The following CCDC73 variants were observed in gnomAD, a reference collection of about 807,000 sequenced individuals.
The protein encoded by CCDC73 is coiled-coil domain-containing protein 73.
CCDC73 carries 95 observed loss-of-function variants against 116.5 expected under a neutral mutation model. The observed-to-expected ratio is 0.82, with a 90% confidence interval of 0.69 to 0.97. CCDC73 has a LOEUF of 0.97. CCDC73 is among the 50% of genes least tolerant of loss of function. The pLI is 0.00. For missense variants in CCDC73, 1,066 were observed against 1,206.8 expected, an observed-to-expected ratio of 0.88 and a Z score of 1.73; for synonymous variants, 398 against 401.3, an observed-to-expected ratio of 0.99 and a Z score of 0.10.
At chr11:32,691,596 G>A (rs1856259136) in intron 6 of CCDC73, among the ~76,000 whole-genome samples, 1 of 151,966 alleles carries the variant, frequency 6.6e-6, no homozygotes, top group African/African-American at 2.4e-5. Context: ...TTGTTATTTT[G>A]GATAGCCGTC....
the CCDC73 span, among the ~76,000 whole-genome samples, chr11:32,810,990 G>T: frequency 8.6e-5 from 13 of 151,732 alleles, no homozygotes; most frequent in African/African-American, 3.1e-4. Context: ...AATTAGCCGG[G>T]CATGGTGGCA....
chr11:32,652,624 A>T (rs1855836425), intron 12 of CCDC73, among the ~76,000 whole-genome samples: 1 of 152,196 alleles, frequency 6.6e-6, no homozygotes, highest in Non-Finnish European at 1.5e-5. Context: ...ATCAATGGCC[A>T]ACAATGTCTT....
chr11:32,613,563 GACTTTCAATGT>G lies in CCDC73; in HGVS notation c.2744_2754del (p.His915ProfsTer34). 1.2e-6 allele frequency: 2 copies of G among 1,614,066 alleles called. No homozygotes were observed. Among genetic ancestry groups the G allele is most frequent in the Middle Eastern group, 3.3e-4 (2 of 6,062 alleles). ...CAAGGGGTCGAACTGCTCGCTGTTT[GACTTTCAATGT>G]GATTTACTTTTGACCAAGGACCGGG... On this transcript the variant is annotated frameshift_variant, in exon 16 of 18. Transcript: ENST00000335185. LOFTEE classifies it high-confidence loss of function.
Position 32,614,500 on chromosome 11 carries a change from C to A in CCDC73, c.1818G>T (p.Leu606Phe), listed in dbSNP as rs754903250. The A allele has an allele frequency of 5.0e-6, 8 of 1,613,220 alleles. No individual in the cohort carries two copies. Among genetic ancestry groups the A allele is most frequent in the African/African-American group, 1.3e-5 (1 of 74,868 alleles). ...SENEPFKQFRLLPGTREHALE... is the reference protein window; with the variant it reads ...SENEPFKQFRFLPGTREHALE... The stretch of plus-strand genomic sequence containing the variant: ...GAGCATGTTCTCGAGTCCCTGGAAG[C>A]AATCTGAATTGTTTGAATGGCTCAT... The change falls in exon 16 of 18, where the codon TTG (leucine) becomes TTT (phenylalanine). Residue 606 changes from leucine to phenylalanine, a missense_variant. By Grantham distance (22) the Leu-to-Phe change is conservative. Transcript: ENST00000335185.
chr11:32,703,237 G>C, intron 3 of CCDC73, among the ~76,000 whole-genome samples: 1 of 151,936 alleles, frequency 6.6e-6, no homozygotes, highest in East Asian at 1.9e-4. Context: ...ACAGATGTCT[G>C]CCACCATGCC....
the CCDC73 span, among the ~76,000 whole-genome samples, chr11:32,801,458 T>C: frequency 5.9e-5 from 9 of 151,972 alleles, no homozygotes; most frequent in East Asian, 7.7e-4. Context: ...CTGGCCAACA[T>C]AGTGAAACCC....
chr11:32,698,492 A>T (rs1269889352), intron 6 of CCDC73, among the ~76,000 whole-genome samples: 1 of 152,228 alleles, frequency 6.6e-6, no homozygotes, highest in Non-Finnish European at 1.5e-5. Flanking sequence ...GATCCATGGA[A>T]AAGCTGTTTC....
At chr11:32,628,995 A>T (rs114847284) in intron 14 of CCDC73, among the ~76,000 whole-genome samples, 2,272 of 152,338 alleles carry the variant, frequency 0.015, 60 homozygotes, top group African/African-American at 0.051. Flanking sequence ...TGGAAATTTT[A>T]GAGATGAAAT....
intron 2 of CCDC73, among the ~76,000 whole-genome samples, chr11:32,731,405 C>T (rs781680673): frequency 3.3e-5 from 5 of 152,176 alleles, no homozygotes; most frequent in Non-Finnish European, 7.3e-5. Flanking sequence ...TGTCCCTGTC[C>T]GACAGCTTTG....
At chr11:32,677,602 A>T (rs1054602666) in intron 7 of CCDC73, among the ~76,000 whole-genome samples, 2 of 152,062 alleles carry the variant, frequency 1.3e-5, no homozygotes, top group African/African-American at 2.4e-5. Flanking sequence ...TTGATTGTGA[A>T]TGCCTCCCCT....
chr11:32,654,774 A>G (rs2133262971), intron 10 of CCDC73, 70 bp downstream of exon 10: 2 of 1,127,974 alleles, frequency 1.8e-6, no homozygotes, highest in African/African-American at 1.6e-5. Flanking sequence ...TTTTTGTGTT[A>G]CAATTCTGAA....
intron 9 of CCDC73, among the ~76,000 whole-genome samples, chr11:32,666,587 C>T (rs1413724321): frequency 2.0e-5 from 3 of 152,296 alleles, no homozygotes; most frequent in South Asian, 2.1e-4. Context: ...TTTTTAGCTT[C>T]TTTGCGATGG....
At chr11:32,735,255 G>A (rs1213034811) in intron 2 of CCDC73, among the ~76,000 whole-genome samples, 1 of 152,112 alleles carries the variant, frequency 6.6e-6, no homozygotes, top group Non-Finnish European at 1.5e-5. Flanking sequence ...TGACATGATT[G>A]TATATTTAGA....
intron 2 of CCDC73, among the ~76,000 whole-genome samples, chr11:32,739,946 T>C (rs1054514442): frequency 6.6e-6 from 1 of 151,974 alleles, no homozygotes; most frequent in African/African-American, 2.4e-5. Flanking sequence ...AATAGTTATA[T>C]GTTTGTCCTT....
intron 13 of CCDC73, among the ~76,000 whole-genome samples, chr11:32,639,038 C>T (rs1453487847): frequency 6.6e-6 from 1 of 151,422 alleles, no homozygotes; most frequent in Non-Finnish European, 1.5e-5. Context: ...GTCCCAGCTA[C>T]TCGGGAGGCT....
At chr11:32,645,118 G>T (rs548130236) in intron 12 of CCDC73, among the ~76,000 whole-genome samples, 1 of 152,116 alleles carries the variant, frequency 6.6e-6, no homozygotes, top group African/African-American at 2.4e-5. Context: ...ACAGAGTCAG[G>T]ATTATCCATA....
chr11:32,673,613 T>G (rs1856058567), intron 9 of CCDC73, among the ~76,000 whole-genome samples: 1 of 152,182 alleles, frequency 6.6e-6, no homozygotes, highest in Non-Finnish European at 1.5e-5. Context: ...GTGCAATCTT[T>G]GACTGTGAAA....
Position 32,654,959 on chromosome 11 carries a change from G to A in CCDC73, c.659C>T (p.Ala220Val), listed in dbSNP as rs1165273302. Reference sequence around the variant, plus strand: ...TTTGGACTTTATCAAGTCTGAGGCTGCTTTTTTTAGTTCCTTAATAAGAAA... The same window carrying A: ...TTTGGACTTTATCAAGTCTGAGGCTACTTTTTTTAGTTCCTTAATAAGAAA... Reference protein sequence around the residue: ...ICSLKKELKKAASDLIKSKVT... With the variant: ...ICSLKKELKKVASDLIKSKVT... The change falls in exon 10 of 18, where the codon GCA becomes GTA. Residue 220 changes from alanine to valine, a missense_variant. By Grantham distance (64) the Ala-to-Val change is moderately conservative (BLOSUM62 0). Transcript: ENST00000335185. 2 of 1,588,834 alleles carry A rather than the reference G, an allele frequency of 1.3e-6. No individual in the cohort carries two copies. The highest frequency in any genetic ancestry group is 2.7e-5 in the African/African-American group (2 of 73,096).
chr11:32,709,746 C>T (rs759041435), intron 3 of CCDC73, among the ~76,000 whole-genome samples: 76 of 152,182 alleles, frequency 5.0e-4, no homozygotes, highest in Non-Finnish European at 9.7e-4. Context: ...AGGGAGGATT[C>T]CCTCTTTCTC....
Sources: allele counts gnomAD v4.1 joint callset (sites outside exome capture counted in the v4.1 genomes callset), GRCh38; gene constraint gnomAD v4.1.1; transcripts MANE v1.5; gene names NCBI Gene and HGNC (gene_info 2026-07-23, HGNC 2026-07-21).